The following DPP6 variants were observed in gnomAD, a reference collection of about 807,000 sequenced individuals.
DPP6 encodes A-type potassium channel modulatory protein DPP6.
In DPP6, 69 loss-of-function variants were observed where a neutral mutation model predicts 122.6. The observed-to-expected ratio is 0.56, with a 90% CI of 0.46 to 0.69. The LOEUF (loss-of-function observed/expected upper bound fraction) is 0.69. Ranked by LOEUF, DPP6 falls within the 30% of genes least tolerant of loss-of-function variation. The pLI is 0.00. For synonymous variants in DPP6, 418 were observed against 433.1 expected (o/e 0.97, Z 0.43); for missense variants, 928 against 1,116.9 (o/e 0.83, Z 2.41).
chr7:154,364,494 C>T (rs1320887674), intron 1 of DPP6, among the ~76,000 whole-genome samples: 3 of 152,074 alleles, frequency 2.0e-5, no homozygotes, highest in Non-Finnish European at 2.9e-5. Flanking sequence ...AACTGCTTGA[C>T]GCCTGCCAGG....
At chr7:154,848,166 A>G (rs574121966) in intron 16 of DPP6, among the ~76,000 whole-genome samples, 25 of 152,338 alleles carry the variant, frequency 1.6e-4, no homozygotes, top group African/African-American at 6.0e-4. Flanking sequence ...CCTGATTTCA[A>G]TTCCTTTGGA....
At chr7:154,237,018 C>T (rs1801260871) in intron 1 of DPP6, among the ~76,000 whole-genome samples, 1 of 152,176 alleles carries the variant, frequency 6.6e-6, no homozygotes. Context: ...AAAACCCACA[C>T]TTAGACATTC....
intron 4 of DPP6, among the ~76,000 whole-genome samples, chr7:154,557,768 C>T (rs1025470527): frequency 6.6e-6 from 1 of 151,770 alleles, no homozygotes; most frequent in Non-Finnish European, 1.5e-5. Context: ...GAATGCTGTA[C>T]TGCAGCACGA....
rs1453363745 is a variant in DPP6 at position 154,661,707 on chromosome 7, C to G, written c.681-7653C>G. ...GTATTCATATAGTCATGGTGAATCA[C>G]CATGGCATATTGGCCGTAGTGTTCA... On this transcript the variant is annotated intron_variant, in intron 6 of 25. Transcript: ENST00000377770. Among the ~76,000 whole-genome samples, 9 of 139,096 alleles carry G rather than the reference C, an allele frequency of 6.5e-5. No homozygotes were observed. The East Asian group carries it at 9.2e-4, about 14-fold the overall frequency. 91.3% of individuals were successfully genotyped at this position (139,096 alleles called of 152,430 possible).
At chr7:154,572,346 A>G (rs1831161687) in intron 5 of DPP6, among the ~76,000 whole-genome samples, 1 of 152,012 alleles carries the variant, frequency 6.6e-6, no homozygotes, top group African/African-American at 2.4e-5. Flanking sequence ...CGAGTTACCT[A>G]TTTATCTATA....
chr7:154,725,411 A>G (rs993542201), intron 7 of DPP6, among the ~76,000 whole-genome samples: 6 of 152,202 alleles, frequency 3.9e-5, no homozygotes, highest in Non-Finnish European at 7.3e-5. Context: ...AGGCCTCAGA[A>G]AACTTTTAAT....
chr7:154,369,580 G>A (rs1274433011), intron 1 of DPP6, among the ~76,000 whole-genome samples: 1 of 152,046 alleles, frequency 6.6e-6, no homozygotes, highest in Non-Finnish European at 1.5e-5. Flanking sequence ...TGGCCAGGCT[G>A]GTCTCAAACT....
intron 1 of DPP6, among the ~76,000 whole-genome samples, chr7:154,294,610 G>A (rs1361101980): frequency 6.6e-6 from 1 of 152,200 alleles, no homozygotes; most frequent in Non-Finnish European, 1.5e-5. Flanking sequence ...ATTCTCCTAT[G>A]TAGGCATGAA....
intron 3 of DPP6, among the ~76,000 whole-genome samples, chr7:154,504,434 T>A (rs1825509238): frequency 6.6e-6 from 1 of 152,202 alleles, no homozygotes; most frequent in African/African-American, 2.4e-5. Context: ...ACATTAGCGA[T>A]GTGACGTATG....
chr7:154,543,119 C>G (rs1699964405), intron 4 of DPP6, among the ~76,000 whole-genome samples: 2 of 152,184 alleles, frequency 1.3e-5, no homozygotes, highest in Non-Finnish European at 2.9e-5. Context: ...CTCTTGCCTT[C>G]CTGGTGACTG....
At chr7:154,404,385 G>A (rs188343172) in intron 1 of DPP6, among the ~76,000 whole-genome samples, 4 of 152,292 alleles carry the variant, frequency 2.6e-5, no homozygotes, top group East Asian at 3.9e-4. Flanking sequence ...AATGTTCCTT[G>A]AAGACAACAA....
intron 4 of DPP6, among the ~76,000 whole-genome samples, chr7:154,553,652 GC>G (rs1829796805): frequency 6.6e-6 from 1 of 152,122 alleles, no homozygotes; most frequent in South Asian, 2.1e-4. Context: ...GCTGAAGTCA[GC>G]TTTGTCTAGT....
intron 5 of DPP6, among the ~76,000 whole-genome samples, chr7:154,611,520 A>T (rs1239339182): frequency 2.0e-5 from 3 of 152,092 alleles, no homozygotes; most frequent in African/African-American, 7.2e-5. Context: ...TCTCATAGAC[A>T]TCCTAGAGGA....
At chr7:153,916,253 G>A (rs992472561) in intron 1 of DPP6, among the ~76,000 whole-genome samples, 4 of 152,032 alleles carry the variant, frequency 2.6e-5, no homozygotes, top group African/African-American at 9.6e-5. Flanking sequence ...GATTACAGGC[G>A]TGAGCCACTG....
the DPP6 span, among the ~76,000 whole-genome samples, chr7:153,762,411 C>T: frequency 6.6e-6 from 1 of 152,104 alleles, no homozygotes; most frequent in South Asian, 2.1e-4. Flanking sequence ...CATCAACTGC[C>T]AATTGGACAT....
the DPP6 span, among the ~76,000 whole-genome samples, chr7:153,774,110 G>T: frequency 6.6e-6 from 1 of 152,184 alleles, no homozygotes; most frequent in African/African-American, 2.4e-5. Context: ...CAATTATGTT[G>T]ACTGAAATTA....
chr7:153,843,470 C>T, the DPP6 span, among the ~76,000 whole-genome samples: 1 of 151,424 alleles, frequency 6.6e-6, no homozygotes, highest in African/African-American at 2.4e-5. Flanking sequence ...ATCGGCAGGT[C>T]GAGAAATAAT....
chr7:154,649,322 A>G (rs892036312), intron 6 of DPP6, among the ~76,000 whole-genome samples: 6 of 152,232 alleles, frequency 3.9e-5, no homozygotes, highest in Admixed American at 3.9e-4. Flanking sequence ...CGGGGCTAGT[A>G]TGAATAAAAG....
At chr7:154,672,388 G>A (rs1333441445) in intron 7 of DPP6, among the ~76,000 whole-genome samples, 1 of 152,204 alleles carries the variant, frequency 6.6e-6, no homozygotes, top group East Asian at 1.9e-4. Context: ...AACACACCCA[G>A]CACAGTGTCT....
Sources: gnomAD v4.1 joint callset for allele counts (sites outside exome capture counted in the v4.1 genomes callset) on GRCh38, gnomAD v4.1.1 for gene constraint, MANE v1.5 for transcripts, NCBI Gene and HGNC (gene_info 2026-07-23, HGNC 2026-07-21) for gene names.